Variants in DNAJC15 observed in about 807,000 individuals in gnomAD.
The protein encoded by DNAJC15 is DnaJ heat shock protein family (Hsp40) member C15, also known as dnaJ homolog subfamily C member 15.
A neutral mutation model predicts 22.4 loss-of-function variants in DNAJC15; 27 were observed. That is an observed-to-expected ratio of 1.20 (90% CI 0.89 to 1.66). DNAJC15 has a LOEUF of 1.66. Ranked by LOEUF, DNAJC15 falls within the 40% of genes most tolerant of loss-of-function variation. The pLI is 0.00. For synonymous variants in DNAJC15, 79 were observed against 63.2 expected, an observed-to-expected ratio of 1.25 and a Z score of -1.19; for missense variants, 208 against 187.1, an observed-to-expected ratio of 1.11 and a Z score of -0.65.
At chr13:43,055,250 A>T (rs1157353031) in intron 1 of DNAJC15, among the ~76,000 whole-genome samples, 1 of 152,000 alleles carries the variant, frequency 6.6e-6, no homozygotes, top group East Asian at 1.9e-4. Context: ...ATAAAAAAAA[A>T]AACTCTGCTC....
intron 1 of DNAJC15, among the ~76,000 whole-genome samples, chr13:43,042,255 A>G (rs771331506): frequency 6.6e-6 from 1 of 152,210 alleles, no homozygotes; most frequent in Non-Finnish European, 1.5e-5. Context: ...TTAACAACAA[A>G]CAATGCAATG....
rs147448314 is a variant in DNAJC15 at position 43,092,095 on chromosome 13, C to T, written c.382+6257C>T. Among the ~76,000 whole-genome samples, 61 of 152,250 alleles carry T rather than the reference C, an allele frequency of 4.0e-4. 1 individual carries two copies. The East Asian group carries it at 0.011, about 27-fold the overall frequency. On this transcript the variant is annotated intron_variant, in intron 5 of 5. Coordinates refer to ENST00000379221, the MANE Select transcript of DNAJC15 (RefSeq NM_013238.3). ...ATTATCTGTTAAGATAGGGGTAAAA[C>T]CTCCTACAGTGATTGTGGATTTGTC...
At chr13:43,055,100 G>T (rs959222243) in intron 1 of DNAJC15, among the ~76,000 whole-genome samples, 3 of 151,228 alleles carry the variant, frequency 2.0e-5, no homozygotes, top group Non-Finnish European at 2.9e-5. Flanking sequence ...GAGACGTCGT[G>T]GGGGAGGGGT....
At chr13:43,102,591 AAGAG>A (rs918173845) in intron 5 of DNAJC15, among the ~76,000 whole-genome samples, 1 of 152,144 alleles carries the variant, frequency 6.6e-6, no homozygotes, top group Non-Finnish European at 1.5e-5. Flanking sequence ...CCTGGGCAAC[AAGAG>A]AGAAACTCCG....
chr13:43,040,270 T>G (rs2040447416), intron 1 of DNAJC15, among the ~76,000 whole-genome samples: 1 of 152,366 alleles, frequency 6.6e-6, no homozygotes, highest in African/African-American at 2.4e-5. Context: ...TGTAGTTCTT[T>G]CTTCCTAACA....
At chr13:43,033,873 C>T (rs1004593908) in intron 1 of DNAJC15, among the ~76,000 whole-genome samples, 1 of 151,830 alleles carries the variant, frequency 6.6e-6, no homozygotes, top group African/African-American at 2.4e-5. Context: ...ACTAAAAATA[C>T]AAAAATTAGC....
At chr13:43,048,900 G>A (rs1020766591) in intron 1 of DNAJC15, among the ~76,000 whole-genome samples, 3 of 151,790 alleles carry the variant, frequency 2.0e-5, no homozygotes, top group Admixed American at 6.6e-5. Context: ...AGCCATAAAC[G>A]TCTGAATCGT....
Position 43,109,315 on chromosome 13 carries a change from A to G in DNAJC15, c.*2067A>G, listed in dbSNP as rs2040813682. On this transcript the variant is annotated 3_prime_UTR_variant, in exon 6 of 6. Coordinates refer to ENST00000379221, the MANE Select transcript of DNAJC15 (RefSeq NM_013238.3). Reference sequence around the variant, plus strand: ...CTTTAGAGCAAGGATCTTGCCATTCATCTTTGTAACCTCTTTACTCTGGAG... The same window carrying G: ...CTTTAGAGCAAGGATCTTGCCATTCGTCTTTGTAACCTCTTTACTCTGGAG... 3 of 152,192 alleles carry G rather than the reference A, an allele frequency of 2.0e-5. No individual in the cohort carries two copies. Among genetic ancestry groups the G allele is most frequent in the South Asian group, 2.1e-4 (1 of 4,830 alleles). 9.4% of individuals were successfully genotyped at this position (152,192 alleles called of 1,614,324 possible).
At chr13:43,071,524 A>G (rs1171960466) in intron 3 of DNAJC15, among the ~76,000 whole-genome samples, 1 of 152,246 alleles carries the variant, frequency 6.6e-6, no homozygotes, top group Non-Finnish European at 1.5e-5. Context: ...CTTTTAAACA[A>G]TTTTAAAACT....
chr13:43,065,855 T>C (rs1047644907), intron 2 of DNAJC15, 118 bp downstream of exon 2: 8 of 774,688 alleles, frequency 1.0e-5, no homozygotes, highest in Non-Finnish European at 1.7e-5. Flanking sequence ...CATAATACAT[T>C]CTCATTCTTT....
At chr13:43,028,443 G>A (rs1269470852) in intron 1 of DNAJC15, among the ~76,000 whole-genome samples, 3 of 151,982 alleles carry the variant, frequency 2.0e-5, no homozygotes, top group Middle Eastern at 3.4e-3. Context: ...TGTAGTGATC[G>A]CCTTTAAAAA....
intron 4 of DNAJC15, among the ~76,000 whole-genome samples, chr13:43,084,984 C>G (rs1449514381): frequency 6.6e-6 from 1 of 152,170 alleles, no homozygotes; most frequent in Non-Finnish European, 1.5e-5. Flanking sequence ...TGCTCTAGCC[C>G]TGTTTTACAG....
chr13:43,030,803 C>T (rs35793695), intron 1 of DNAJC15, among the ~76,000 whole-genome samples: 3,491 of 152,122 alleles, frequency 0.023, 56 homozygotes, highest in Non-Finnish European at 0.035. Context: ...AAGCACAGCA[C>T]GGGGTAGGTT....
At chr13:43,080,385 G>A (rs558603662) in intron 4 of DNAJC15, among the ~76,000 whole-genome samples, 2 of 152,278 alleles carry the variant, frequency 1.3e-5, no homozygotes, top group South Asian at 2.1e-4. Context: ...CAAAGCCCAC[G>A]ATCTCATTAC....
intron 5 of DNAJC15, among the ~76,000 whole-genome samples, chr13:43,104,021 CCTG>C (rs1236524826): frequency 6.6e-6 from 1 of 151,784 alleles, no homozygotes; most frequent in Non-Finnish European, 1.5e-5. Context: ...CAATATATAA[CCTG>C]CTGGATTTTT....
intron 1 of DNAJC15, among the ~76,000 whole-genome samples, chr13:43,041,062 C>T (rs1234962457): frequency 6.6e-6 from 1 of 152,222 alleles, no homozygotes; most frequent in Non-Finnish European, 1.5e-5. Flanking sequence ...TCCTCTTTTA[C>T]TAATCCTCCT....
At chr13:43,051,634 G>GGGGTGTGTGTGTGT (rs1555274770) in intron 1 of DNAJC15, among the ~76,000 whole-genome samples, 5 of 133,152 alleles carry the variant, frequency 3.8e-5, no homozygotes, top group South Asian at 6.5e-4. Flanking sequence ...AGTACTTCAT[G>GGGGTGTGTGTGTGT]GTGTGTGTGT....
chr13:43,037,525 C>T (rs2040434355), intron 1 of DNAJC15, among the ~76,000 whole-genome samples: 2 of 152,126 alleles, frequency 1.3e-5, no homozygotes. Flanking sequence ...TTAAAGTAGA[C>T]AGGTCAGAGG....
At chr13:43,024,337 GTTTTTTTTTTTT>G (rs376910976) in intron 1 of DNAJC15, among the ~76,000 whole-genome samples, 43 of 93,404 alleles carry the variant, frequency 4.6e-4, no homozygotes, top group Admixed American at 7.8e-4. Flanking sequence ...GTATTTTTAC[GTTTTTTTTTTTT>G]TTTTTTTTTT....
Sources: gnomAD v4.1 joint callset for allele counts (sites outside exome capture counted in the v4.1 genomes callset) on GRCh38, gnomAD v4.1.1 for gene constraint, MANE v1.5 for transcripts, NCBI Gene and HGNC (gene_info 2026-07-23, HGNC 2026-07-21) for gene names.